The following AQP1 variants were observed in gnomAD, a reference collection of about 807,000 sequenced individuals.
The protein encoded by AQP1 is aquaporin-1.
In AQP1, 11 loss-of-function variants were observed where a neutral mutation model predicts 19.7. The ratio of observed to expected loss-of-function variants is 0.56; its 90% CI spans 0.35 to 0.92. AQP1 has a LOEUF of 0.92. AQP1 is among the 40% of genes least tolerant of loss of function. AQP1 has a pLI of 0.01. For synonymous variants in AQP1, 159 were observed against 166.7 expected (o/e 0.95, Z 0.36); for missense variants, 320 against 369.7 (o/e 0.87, Z 1.10).
Position 30,912,688 on chromosome 7 carries a change from C to A in AQP1, c.384+395C>A. 6.6e-6 allele frequency among the ~76,000 whole-genome samples: 1 copy of A among 152,194 alleles called. No individual in the cohort carries two copies. Among genetic ancestry groups the A allele is most frequent in the East Asian group, 1.9e-4 (1 of 5,190 alleles). On this transcript the variant is annotated intron_variant, in intron 1 of 3. Transcript: ENST00000311813. The surrounding 1 kb of genome is among the most constrained non-coding windows in gnomAD (Gnocchi z 4.3). ...CCCTGGGGAAACTTTGCCCGCTGTC[C>A]CCAGCCACCCTGAACCAAATGCCCA...
intron 1 of AQP1, among the ~76,000 whole-genome samples, chr7:30,915,515 G>A (rs541745380): frequency 3.3e-5 from 5 of 152,266 alleles, no homozygotes; most frequent in Non-Finnish European, 7.4e-5. Context: ...GCCGTGGTAC[G>A]GGAGTTGTTG....
chr7:30,918,827 A>G (rs535247750), intron 1 of AQP1, among the ~76,000 whole-genome samples: 1 of 152,356 alleles, frequency 6.6e-6, no homozygotes, highest in Admixed American at 6.5e-5. Flanking sequence ...CCCAAGTCCA[A>G]GCTGGGAATA....
intron 1 of AQP1, among the ~76,000 whole-genome samples, chr7:30,913,032 G>T (rs2128588192): frequency 6.6e-6 from 1 of 152,150 alleles, no homozygotes; most frequent in South Asian, 2.1e-4. Flanking sequence ...GCATGTGTTT[G>T]CCAGCATGAG....
At chr7:30,915,629 A>G (rs1193283611) in intron 1 of AQP1, among the ~76,000 whole-genome samples, 1 of 152,050 alleles carries the variant, frequency 6.6e-6, no homozygotes, top group Non-Finnish European at 1.5e-5. Flanking sequence ...AGAGCCTGTG[A>G]TTTCAGCCCG....
At chr7:30,922,301 G>A (rs920899390) in intron 2 of AQP1, 71 bp downstream of exon 2, 2 of 1,519,456 alleles carry the variant, frequency 1.3e-6, no homozygotes, top group African/African-American at 2.7e-5. Context: ...CCCTGCCATG[G>A]GCAGCCAGTG....
intron 1 of AQP1, chr7:30,921,706 G>A (rs1315549581): frequency 6.4e-7 from 1 of 1,551,080 alleles, no homozygotes. Context: ...TCACCTTCAT[G>A]CCTGGGGCTC....
intron 1 of AQP1, chr7:30,921,648 G>A: frequency 6.4e-7 from 1 of 1,550,876 alleles, no homozygotes; most frequent in Non-Finnish European, 8.7e-7. Context: ...TCCCCTGCTG[G>A]GCCTTCCCAC....
At chr7:30,914,376 C>T (rs189081350) in intron 1 of AQP1, among the ~76,000 whole-genome samples, 64 of 152,346 alleles carry the variant, frequency 4.2e-4, no homozygotes, top group African/African-American at 1.5e-3. Context: ...CACACCCAGA[C>T]AGCCAGCTCA....
Position 30,923,681 on chromosome 7 carries a change from A to AG in AQP1, c.*55dup, listed in dbSNP as rs67184369. ...AGGGGGCAGGGGCAGGGGCGGGCGG[A>AG]GGGAGGGGAGGGGTGAAATCCATAC... is the stretch of plus-strand genomic sequence containing the variant. On this transcript the variant is annotated 3_prime_UTR_variant, in exon 4 of 4. Coordinates refer to ENST00000311813, the MANE Select transcript of AQP1 (RefSeq NM_198098.4). This position sits in a 1 kb window ranked among gnomAD's most constrained non-coding sequence, Gnocchi z 4.8. The AG allele has an allele frequency of 1.4e-5, 12 of 864,160 alleles. No homozygotes were observed. The East Asian group carries it at 1.8e-4, about 13-fold the overall frequency. 53.5% of individuals were successfully genotyped at this position (864,160 alleles called of 1,614,324 possible).
chr7:30,914,886 C>T (rs1791272602), intron 1 of AQP1, among the ~76,000 whole-genome samples: 1 of 152,214 alleles, frequency 6.6e-6, no homozygotes, highest in Admixed American at 6.5e-5. Flanking sequence ...CAGGATATGC[C>T]CTAGAGAGAC....
At chr7:30,916,377 A>G (rs1419265019) in intron 1 of AQP1, among the ~76,000 whole-genome samples, 1 of 152,254 alleles carries the variant, frequency 6.6e-6, no homozygotes, top group Non-Finnish European at 1.5e-5. Flanking sequence ...GCCCCCACCC[A>G]GCAGGGGCCA....
chr7:30,922,584 G>A lies in AQP1; in HGVS notation c.570G>A (p.Gly190=). ...HLLAIDYTGC[G]INPARSFGSA... is the part of the protein sequence containing the mutation. Reference sequence around the variant, plus strand: ...CACAGATTGACTACACTGGCTGTGGGATTAACCCTGCTCGGTCCTTTGGCT... The same window carrying A: ...CACAGATTGACTACACTGGCTGTGGAATTAACCCTGCTCGGTCCTTTGGCT... The change falls in exon 3 of 4, where the codon GGG becomes GGA. Residue 190 remains glycine (G), a synonymous_variant. Coordinates refer to ENST00000311813, the MANE Select transcript of AQP1 (RefSeq NM_198098.4). The A allele has an allele frequency of 6.2e-7, 1 of 1,614,142 alleles. No individual in the cohort carries two copies. Among genetic ancestry groups the A allele is most frequent in the Non-Finnish European group, 8.5e-7 (1 of 1,180,010 alleles).
chr7:30,916,519 G>A (rs559520245), intron 1 of AQP1, among the ~76,000 whole-genome samples: 9 of 152,246 alleles, frequency 5.9e-5, no homozygotes, highest in Non-Finnish European at 1.0e-4. Flanking sequence ...GATCCCCTCA[G>A]TCAGGGCTTC....
chr7:30,921,657 A>G (rs1447957298), intron 1 of AQP1: 1 of 1,550,744 alleles, frequency 6.4e-7, no homozygotes, highest in African/African-American at 1.4e-5. Context: ...GGGCCTTCCC[A>G]CCTTTTTGCA....
Position 30,923,738 on chromosome 7 carries a change from C to T in AQP1, c.*109C>T, listed in dbSNP as rs1400304593. On this transcript the variant is annotated 3_prime_UTR_variant, in exon 4 of 4. Transcript: ENST00000311813. The surrounding 1 kb of genome is among the most constrained non-coding windows in gnomAD (Gnocchi z 4.8). ...CACTCTGACAAGCTGGCCAAAGTCACTTCCCCAAGATCTGCCAGACCTGCA... is the reference window on the plus strand; with the variant it reads ...CACTCTGACAAGCTGGCCAAAGTCATTTCCCCAAGATCTGCCAGACCTGCA... 2 of 1,502,696 alleles carry T rather than the reference C, an allele frequency of 1.3e-6. No individual in the cohort carries two copies. Among genetic ancestry groups the T allele is most frequent in the African/African-American group, 2.8e-5 (2 of 72,026 alleles). The allele number at this position is 1,502,696 out of a possible 1,614,324, so 93.1% of individuals were successfully genotyped here.
At position 30,912,510 on chromosome 7, in the gene AQP1, A is replaced by G. The variant is rs1791193362; in HGVS notation, c.384+217A>G. Among the ~76,000 whole-genome samples, 1 of 152,202 alleles carries G rather than the reference A, an allele frequency of 6.6e-6. No individual in the cohort carries two copies. The highest frequency in any genetic ancestry group is 2.4e-5 in the African/African-American group (1 of 41,458). ...TTCTGCCAGGCACTGTGGGAAGCTGAGATCCAGAGAATAATGGTCTTGCCA... is the reference window on the plus strand; with the variant it reads ...TTCTGCCAGGCACTGTGGGAAGCTGGGATCCAGAGAATAATGGTCTTGCCA... On this transcript the variant is annotated intron_variant, in intron 1 of 3. Transcript: ENST00000311813. This position sits in a 1 kb window ranked among gnomAD's most constrained non-coding sequence, Gnocchi z 4.3.
At chr7:30,916,730 C>T (rs1409088517) in intron 1 of AQP1, among the ~76,000 whole-genome samples, 1 of 152,218 alleles carries the variant, frequency 6.6e-6, no homozygotes, top group Admixed American at 6.5e-5. Context: ...CCTGCAATCT[C>T]GCTGTCAGGG....
At chr7:30,914,071 G>A (rs971761902) in intron 1 of AQP1, among the ~76,000 whole-genome samples, 11 of 152,280 alleles carry the variant, frequency 7.2e-5, no homozygotes, top group African/African-American at 1.2e-4. Context: ...TCTAGTATGC[G>A]CATCCGAGGC....
At chr7:30,918,985 G>T (rs1362950158) in intron 1 of AQP1, among the ~76,000 whole-genome samples, 1 of 152,196 alleles carries the variant, frequency 6.6e-6, no homozygotes, top group East Asian at 1.9e-4. Context: ...CCATCGCACA[G>T]GCTGCCCTCT....
Sources: gnomAD v4.1 joint callset for allele counts (sites outside exome capture counted in the v4.1 genomes callset) on GRCh38, gnomAD v4.1.1 for gene constraint, Gnocchi (gnomAD v3.1) non-coding constraint, MANE v1.5 for transcripts, NCBI Gene and HGNC (gene_info 2026-07-23, HGNC 2026-07-21) for gene names.